Variants in CABP1 observed in about 807,000 individuals in gnomAD.
The protein encoded by CABP1 is calcium-binding protein 1.
In CABP1, 17 loss-of-function variants were observed where a neutral mutation model predicts 34.3. The ratio of observed to expected loss-of-function variants is 0.50; its 90% CI spans 0.34 to 0.74. The LOEUF (loss-of-function observed/expected upper bound fraction) is 0.74. Among genes scored for constraint, CABP1 ranks in the 30% least tolerant of loss-of-function variants. The pLI is 0.01. For missense variants in CABP1, 373 were observed against 511.1 expected (o/e 0.73, Z 2.61); for synonymous variants, 198 against 229.2 (o/e 0.86, Z 1.23).
At chr12:120,642,368 C>T (rs1032957373) in intron 1 of CABP1, among the ~76,000 whole-genome samples, 8 of 152,182 alleles carry the variant, frequency 5.3e-5, no homozygotes, top group African/African-American at 1.9e-4. Context: ...TGGCTTGCCA[C>T]GCCGGATCAG....
At chr12:120,642,434 T>C (rs1482573799) in intron 1 of CABP1, among the ~76,000 whole-genome samples, 5 of 152,198 alleles carry the variant, frequency 3.3e-5, no homozygotes, top group Non-Finnish European at 7.3e-5. Context: ...CTTTTCAAAA[T>C]ACTACTCGGC....
At chr12:120,674,477 T>C in the CABP1 span, among the ~76,000 whole-genome samples, 1 of 152,198 alleles carries the variant, frequency 6.6e-6, no homozygotes. Flanking sequence ...GGAGTATCCT[T>C]TCATCTCCCT....
intron 1 of CABP1, among the ~76,000 whole-genome samples, chr12:120,658,703 C>T (rs1237265163): frequency 6.6e-6 from 1 of 152,178 alleles, no homozygotes; most frequent in African/African-American, 2.4e-5. Flanking sequence ...ATCCTGGCCC[C>T]GTTGGCTGGA....
At chr12:120,649,767 A>G (rs1879727092) in intron 1 of CABP1, among the ~76,000 whole-genome samples, 1 of 151,978 alleles carries the variant, frequency 6.6e-6, no homozygotes, top group African/African-American at 2.4e-5. Context: ...ATCTGATCTG[A>G]CTGTTGGCTC....
At position 120,641,626 on chromosome 12, in the gene CABP1, A is replaced by G. The variant is rs186730031; in HGVS notation, c.654+287A>G. 300 of 312,416 alleles carry G rather than the reference A, an allele frequency of 9.6e-4. 2 individuals carry two copies. The Admixed American group carries it at 0.012, about 13-fold the overall frequency. 19.4% of individuals were successfully genotyped at this position (312,416 alleles called of 1,614,324 possible). On this transcript the variant is annotated intron_variant, in intron 1 of 5. Transcript: ENST00000316803. The surrounding 1 kb of genome is among the most constrained non-coding windows in gnomAD (Gnocchi z 6.7). ...CCAGTCCTGGAAGAGAGCGACCTCT[A>G]CGACCGTCCTGGAGATTTGCGGGGG...
chr12:120,659,752 C>A, intron 1 of CABP1, 126 bp from the exon 2 acceptor site: 1 of 786,970 alleles, frequency 1.3e-6, no homozygotes, highest in African/African-American at 1.7e-5. Flanking sequence ...GATCCAGGCA[C>A]ACCTGTGCTG....
At chr12:120,662,214 C>G (rs141244550) in intron 5 of CABP1, 2 of 152,420 alleles carry the variant, frequency 1.3e-5, no homozygotes, top group Non-Finnish European at 2.9e-5. Context: ...ACTCAGGCTC[C>G]CTAAGATCTG....
Position 120,640,730 on chromosome 12 carries a change from C to G in CABP1, c.45C>G (p.Gly15=). Reference sequence around the variant, plus strand: ...CCGCATTTAAGCGGCCGGGGGACGGCGCCCGCCTCCAGCGCGTCCTCGGGC... The same window carrying G: ...CCGCATTTAAGCGGCCGGGGGACGGGGCCCGCCTCCAGCGCGTCCTCGGGC... The part of the protein sequence containing the change: ...DGAAFKRPGD[G]ARLQRVLGLG... The change falls in exon 1 of 6, where the codon GGC becomes GGG. Residue 15 remains glycine (G), a synonymous_variant. Transcript: ENST00000316803. This position sits in a 1 kb window ranked among gnomAD's most constrained non-coding sequence, Gnocchi z 6.2. The G allele has an allele frequency of 8.5e-7, 1 of 1,183,192 alleles. No homozygotes were observed. Among genetic ancestry groups the G allele is most frequent in the Non-Finnish European group, 1.0e-6 (1 of 956,692 alleles). 73.3% of individuals were successfully genotyped at this position (1,183,192 alleles called of 1,614,324 possible).
At chr12:120,667,714 C>T (rs1881093608), downstream of CABP1, among the ~76,000 whole-genome samples, 1 of 152,138 alleles carries the variant, frequency 6.6e-6, no homozygotes, top group Admixed American at 6.5e-5. Context: ...TCTCAAACTC[C>T]TGATCTCAAG....
At chr12:120,671,631 C>G (rs559965369), downstream of CABP1, among the ~76,000 whole-genome samples, 3 of 152,358 alleles carry the variant, frequency 2.0e-5, no homozygotes, top group African/African-American at 7.2e-5. Context: ...GCCAGGCCCA[C>G]GGCCACAGAA....
intron 1 of CABP1, among the ~76,000 whole-genome samples, chr12:120,647,059 CAG>C (rs1879573104): frequency 6.6e-6 from 1 of 152,196 alleles, no homozygotes; most frequent in Admixed American, 6.5e-5. Flanking sequence ...TTTCCAACGA[CAG>C]AGGCATATCC....
At chr12:120,664,227 G>A (rs1880827706) in intron 5 of CABP1, among the ~76,000 whole-genome samples, 1 of 152,184 alleles carries the variant, frequency 6.6e-6, no homozygotes, top group Admixed American at 6.5e-5. Flanking sequence ...AAACCAGCAA[G>A]AAAACCAGAG....
At chr12:120,659,991 C>CA in intron 2 of CABP1, 83 bp downstream of exon 2, 1 of 1,447,360 alleles carries the variant, frequency 6.9e-7, no homozygotes, top group Non-Finnish European at 9.6e-7. Context: ...AGAGAGGCCC[C>CA]TGGAAATGGG....
At chr12:120,647,560 CTTTTTTTTT>C (rs10557275) in intron 1 of CABP1, among the ~76,000 whole-genome samples, 1 of 75,664 alleles carries the variant, frequency 1.3e-5, no homozygotes, top group Admixed American at 1.8e-4. Context: ...CAGTCCAAGC[CTTTTTTTTT>C]TTTTTTTTTT....
Position 120,666,090 on chromosome 12 carries a change from T to A in CABP1, c.1088-785T>A, listed in dbSNP as rs538416080. ...GGCCACACCTGTAATCCCAGCACTT[T>A]GGGAGGCCAAGGCAGGAGGATTGCT... is the stretch of plus-strand genomic sequence containing the variant. On this transcript the variant is annotated intron_variant, in intron 5 of 5. Transcript: ENST00000316803. Among the ~76,000 whole-genome samples, 8 of 149,312 alleles carry A rather than the reference T, an allele frequency of 5.4e-5. No homozygotes were observed. The South Asian group carries it at 1.5e-3, about 28-fold the overall frequency.
At chr12:120,666,312 A>G (rs1880980328) in intron 5 of CABP1, among the ~76,000 whole-genome samples, 1 of 151,450 alleles carries the variant, frequency 6.6e-6, no homozygotes, top group African/African-American at 2.4e-5. Flanking sequence ...CATCTCTACT[A>G]AAAGTACAAA....
At chr12:120,642,995 G>A (rs201199632) in intron 1 of CABP1, among the ~76,000 whole-genome samples, 80 of 69,496 alleles carry the variant, frequency 1.2e-3, no homozygotes, top group Admixed American at 1.8e-3. Flanking sequence ...CTCAGCTCCT[G>A]AAAAAAAAAA....
rs760101630 is a variant in CABP1 at position 120,659,863 on chromosome 12, G to T, written c.655-15G>T. The T allele has an allele frequency of 1.9e-6, 3 of 1,612,630 alleles. No individual in the cohort carries two copies. Among genetic ancestry groups the T allele is most frequent in the Non-Finnish European group, 2.5e-6 (3 of 1,179,638 alleles). On this transcript the variant is annotated splice_polypyrimidine_tract_variant and intron_variant, in intron 1 of 5. Transcript: ENST00000316803. ...TCCCTTGTCGCGGCTAATAGGACAT[G>T]TTCTTTTGTTTCAGGATAGATCACT...
At chr12:120,656,364 C>T in intron 1 of CABP1, 1 of 1,237,782 alleles carries the variant, frequency 8.1e-7, no homozygotes, top group South Asian at 1.9e-5. Context: ...ACAGAGCTCA[C>T]ACCCCCAACT....
Sources: gnomAD v4.1 joint callset for allele counts (sites outside exome capture counted in the v4.1 genomes callset) on GRCh38, gnomAD v4.1.1 for gene constraint, Gnocchi (gnomAD v3.1) non-coding constraint, MANE v1.5 for transcripts, NCBI Gene and HGNC (gene_info 2026-07-23, HGNC 2026-07-21) for gene names.